The following MAX variants were observed in gnomAD, a reference collection of about 807,000 sequenced individuals.
MAX encodes the protein MYC associated transcriptional regulator X.
MAX carries 3 observed loss-of-function variants against 22.3 expected under a neutral mutation model. The observed-to-expected ratio is 0.13, with a 90% CI of 0.06 to 0.35. The LOEUF is 0.35. MAX is among the 10% of genes least tolerant of loss of function. The pLI is 1.00. For missense variants in MAX, 119 were observed against 209.4 expected, an observed-to-expected ratio of 0.57 and a Z score of 2.66; for synonymous variants, 72 against 77.7, an observed-to-expected ratio of 0.93 and a Z score of 0.39.
At chr14:65,017,026 G>A (rs1482923946) in intron 3 of MAX, among the ~76,000 whole-genome samples, 1 of 148,612 alleles carries the variant, frequency 6.7e-6, no homozygotes, top group African/African-American at 2.5e-5. Flanking sequence ...GGGTTCAAGC[G>A]ATTCTCCTGC....
In MAX at chr14:65,044,721, T is replaced by G; in HGVS notation, c.172-38437A>C. Reference sequence around the variant, plus strand: ...GAGCGGGGAGGAAGTGGGCGCTGCTTCTGCGTTATCTGGAAGGAGCAGCCC... The same window carrying G: ...GAGCGGGGAGGAAGTGGGCGCTGCTGCTGCGTTATCTGGAAGGAGCAGCCC... On this transcript the variant is annotated intron_variant, in intron 3 of 3. Transcript: ENST00000341653. This position sits in a 1 kb window ranked among gnomAD's most constrained non-coding sequence, Gnocchi z 5.5. The G allele has an allele frequency of 2.2e-6, 1 of 445,012 alleles. No homozygotes were observed. The highest frequency in any genetic ancestry group is 3.9e-6 in the Non-Finnish European group (1 of 256,626). The allele number at this position is 445,012 out of a possible 1,614,324, so 27.6% of individuals were successfully genotyped here.
rs1012722832 is a variant in MAX at position 65,029,411 on chromosome 14, T to C, written c.172-23127A>G. Among the ~76,000 whole-genome samples the C allele has an allele frequency of 2.6e-5, 4 of 152,176 alleles. No homozygotes were observed. Among genetic ancestry groups the C allele is most frequent in the African/African-American group, 9.7e-5 (4 of 41,440 alleles). On this transcript the variant is annotated intron_variant, in intron 3 of 3. Coordinates refer to the MAX transcript ENST00000341653. This position sits in a 1 kb window ranked among gnomAD's most constrained non-coding sequence, Gnocchi z 4.7. ...CATCTGGAGACTAGCTCGCTGCCCTTCTGGGATAGACAGCAGTCTCTGGAT... is the reference window on the plus strand; with the variant it reads ...CATCTGGAGACTAGCTCGCTGCCCTCCTGGGATAGACAGCAGTCTCTGGAT...
At position 65,030,049 on chromosome 14, in the gene MAX, G is replaced by A. The variant is rs146916885; in HGVS notation, c.172-23765C>T. 5.9e-5 allele frequency among the ~76,000 whole-genome samples: 9 copies of A among 152,236 alleles called. No individual in the cohort carries two copies. Among genetic ancestry groups the A allele is most frequent in the Non-Finnish European group, 8.8e-5 (6 of 68,008 alleles). ...GAAATACATGAAAAGGTTGTATTACGTTTCCTCCCCATCTCAGCGTGAGAC... is the reference window on the plus strand; with the variant it reads ...GAAATACATGAAAAGGTTGTATTACATTTCCTCCCCATCTCAGCGTGAGAC... On this transcript the variant is annotated intron_variant, in intron 3 of 3. Transcript: ENST00000341653. The surrounding 1 kb of genome is among the most constrained non-coding windows in gnomAD (Gnocchi z 4.5).
intron 3 of MAX, among the ~76,000 whole-genome samples, chr14:65,025,978 T>A (rs2061972293): frequency 6.6e-6 from 1 of 152,256 alleles, no homozygotes; most frequent in Non-Finnish European, 1.5e-5. Context: ...TTGCTTTTGC[T>A]TTCTCTGCCC....
At chr14:65,019,053 C>T (rs1566872938) in intron 3 of MAX, among the ~76,000 whole-genome samples, 1 of 152,078 alleles carries the variant, frequency 6.6e-6, no homozygotes, top group Non-Finnish European at 1.5e-5. Context: ...TACTGCACTC[C>T]CGGCTCCTAC....
intron 2 of MAX, among the ~76,000 whole-genome samples, chr14:65,098,265 T>A (rs533138659): frequency 5.3e-5 from 8 of 152,194 alleles, no homozygotes; most frequent in Non-Finnish European, 1.0e-4. Context: ...ACTTTTGCCA[T>A]GCAACTGACT....
At chr14:65,095,459 C>T (rs765810420) in intron 2 of MAX, among the ~76,000 whole-genome samples, 5 of 152,172 alleles carry the variant, frequency 3.3e-5, no homozygotes, top group Non-Finnish European at 5.9e-5. Context: ...ACAACTTTAG[C>T]GCAAAATTAT....
chr14:65,078,365 C>T lies in MAX; in HGVS notation c.172-329G>A, dbSNP rs1479482619. On this transcript the variant is annotated intron_variant, in intron 3 of 4. Coordinates refer to ENST00000358664, the MANE Select transcript of MAX (RefSeq NM_002382.5). This position sits in a 1 kb window ranked among gnomAD's most constrained non-coding sequence, Gnocchi z 6.4. ...TATAGGTGTGCGCCACCACGCCCATCTAATTTTTTTGTATTTTTAGTAGAA... is the reference window on the plus strand; with the variant it reads ...TATAGGTGTGCGCCACCACGCCCATTTAATTTTTTTGTATTTTTAGTAGAA... Among the ~76,000 whole-genome samples, 1 of 151,942 alleles carries T rather than the reference C, an allele frequency of 6.6e-6. No homozygotes were observed. The highest frequency in any genetic ancestry group is 2.4e-5 in the African/African-American group (1 of 41,358).
At chr14:65,052,633 C>T (rs973058698) in intron 3 of MAX, among the ~76,000 whole-genome samples, 5 of 152,146 alleles carry the variant, frequency 3.3e-5, no homozygotes, top group Admixed American at 6.5e-5. Context: ...AGTAGTATTA[C>T]CAGAATACCC....
intron 3 of MAX, among the ~76,000 whole-genome samples, chr14:65,039,200 T>A (rs974125640): frequency 6.6e-6 from 1 of 152,166 alleles, no homozygotes; most frequent in Non-Finnish European, 1.5e-5. Flanking sequence ...GTCTGTAGGG[T>A]TTTTCCCTTG....
At chr14:65,073,442 TCAA>T (rs2063010070), downstream of MAX, among the ~76,000 whole-genome samples, 1 of 152,172 alleles carries the variant, frequency 6.6e-6, no homozygotes, top group Admixed American at 6.5e-5. Context: ...GGTTAGCGTA[TCAA>T]GAACTTTAAA....
intron 2 of MAX, among the ~76,000 whole-genome samples, chr14:65,096,412 T>C (rs376779925): frequency 6.6e-5 from 10 of 152,358 alleles, no homozygotes; most frequent in African/African-American, 2.4e-4. Context: ...AATTAAATGT[T>C]ATCACTAATG....
Position 65,076,358 on chromosome 14 carries a change from G to T in MAX, c.*118C>A. ...TAAAAATAAAAATTTAAAAAAAAAA[G>T]GGAGAAAGAGAAAAATAAAGAGTCT... On this transcript the variant is annotated 3_prime_UTR_variant, in exon 5 of 5. Coordinates refer to ENST00000358664, the MANE Select transcript of MAX (RefSeq NM_002382.5). This position sits in a 1 kb window ranked among gnomAD's most constrained non-coding sequence, Gnocchi z 6.6. The T allele has an allele frequency of 6.4e-7, 1 of 1,556,126 alleles. No homozygotes were observed.
At chr14:65,091,395 G>C (rs982415231) in intron 3 of MAX, among the ~76,000 whole-genome samples, 67 of 152,298 alleles carry the variant, frequency 4.4e-4, no homozygotes, top group Middle Eastern at 3.4e-3. Context: ...ACACAGGATA[G>C]GAGGATTCTG....
chr14:65,080,551 A>G (rs2063174442), intron 3 of MAX, among the ~76,000 whole-genome samples: 1 of 152,106 alleles, frequency 6.6e-6, no homozygotes, highest in Non-Finnish European at 1.5e-5. Context: ...AGTGCTCTGC[A>G]TGCTTGTCAT....
chr14:65,070,621 T>C (rs1257166280), downstream of MAX, among the ~76,000 whole-genome samples: 1 of 152,206 alleles, frequency 6.6e-6, no homozygotes, highest in Non-Finnish European at 1.5e-5. The surrounding 1 kb of genome is among the most constrained non-coding windows in gnomAD (Gnocchi z 4.4). Flanking sequence ...GCTGGGTGTG[T>C]TGTGTGTGCG....
chr14:65,095,034 C>T (rs983234362), intron 2 of MAX, among the ~76,000 whole-genome samples: 1 of 152,184 alleles, frequency 6.6e-6, no homozygotes, highest in South Asian at 2.1e-4. Flanking sequence ...TCACATTAAT[C>T]CTTGTACTAG....
At chr14:65,036,349 G>C (rs532466139) in intron 3 of MAX, among the ~76,000 whole-genome samples, 1 of 151,828 alleles carries the variant, frequency 6.6e-6, no homozygotes, top group African/African-American at 2.4e-5. Context: ...TGATCCTCCT[G>C]CTTCAGCTTT....
intron 3 of MAX, among the ~76,000 whole-genome samples, chr14:65,067,501 G>A (rs1388191185): frequency 3.3e-5 from 5 of 152,048 alleles, no homozygotes; most frequent in South Asian, 4.1e-4. Flanking sequence ...TGGTTTTGAC[G>A]GTTTCTCATT....
Sources: gnomAD v4.1 joint callset for allele counts (sites outside exome capture counted in the v4.1 genomes callset) on GRCh38, gnomAD v4.1.1 for gene constraint, Gnocchi (gnomAD v3.1) non-coding constraint, MANE v1.5 for transcripts, NCBI Gene and HGNC (gene_info 2026-07-23, HGNC 2026-07-21) for gene names.